The following FLRT2 variants were observed in gnomAD, a reference collection of about 807,000 sequenced individuals.
FLRT2 encodes the protein leucine-rich repeat transmembrane protein FLRT2.
Under a neutral mutation model 40.0 loss-of-function variants are expected in FLRT2, and 15 were observed. The ratio of observed to expected loss-of-function variants is 0.38; its 90% CI spans 0.25 to 0.58. FLRT2 has a LOEUF of 0.58. Among genes scored for constraint, FLRT2 ranks in the 20% least tolerant of loss-of-function variants. The probability of loss-of-function intolerance (pLI) is 0.71; values close to 1 mark genes in which losing one functional copy is unlikely to be tolerated. For missense variants in FLRT2, 726 were observed against 840.0 expected (o/e 0.86, Z 1.68); for synonymous variants, 380 against 336.8 (o/e 1.13, Z -1.41).
At chr14:85,603,126 A>T (rs1016852093) in intron 1 of FLRT2, among the ~76,000 whole-genome samples, 4 of 152,178 alleles carry the variant, frequency 2.6e-5, no homozygotes, top group Non-Finnish European at 5.9e-5. Context: ...CATCTGCCTT[A>T]AATTATTAAT....
intron 1 of FLRT2, among the ~76,000 whole-genome samples, chr14:85,534,731 G>C (rs538877507): frequency 2.6e-5 from 4 of 152,054 alleles, no homozygotes; most frequent in African/African-American, 9.6e-5. Flanking sequence ...GCATTGAGGC[G>C]GCGGCAGCGG....
intron 1 of FLRT2, among the ~76,000 whole-genome samples, chr14:85,552,325 A>C (rs928738192): frequency 6.6e-6 from 1 of 152,112 alleles, no homozygotes; most frequent in Non-Finnish European, 1.5e-5. Context: ...TATAATCCTC[A>C]CTTTTCTCAT....
At chr14:85,586,149 A>T (rs1182557606) in intron 1 of FLRT2, among the ~76,000 whole-genome samples, 1 of 148,704 alleles carries the variant, frequency 6.7e-6, no homozygotes, top group African/African-American at 2.4e-5. Flanking sequence ...ACACATATGT[A>T]TATATATTAC....
rs1263069686 is a variant in FLRT2 at position 85,653,484 on chromosome 14, C to G, written c.*29987C>G. The G allele has an allele frequency of 6.6e-6, 1 of 152,158 alleles. No homozygotes were observed. Among genetic ancestry groups the G allele is most frequent in the Non-Finnish European group, 1.5e-5 (1 of 68,036 alleles). The allele number at this position is 152,158 out of a possible 1,614,324, so 9.4% of individuals were successfully genotyped here. ...TCTAGCATCTCAATTTAACTGTATCCTTTGGAGATTTAAGGAAAACTGACA... is the reference window on the plus strand; with the variant it reads ...TCTAGCATCTCAATTTAACTGTATCGTTTGGAGATTTAAGGAAAACTGACA... On this transcript the variant is annotated 3_prime_UTR_variant, in exon 2 of 2. Coordinates refer to ENST00000330753, the MANE Select transcript of FLRT2 (RefSeq NM_013231.6).
At chr14:85,594,289 A>T (rs1892034416) in intron 1 of FLRT2, among the ~76,000 whole-genome samples, 2 of 152,142 alleles carry the variant, frequency 1.3e-5, no homozygotes, top group South Asian at 2.1e-4. Context: ...AGGAGGAAAA[A>T]ATTGTGTAGG....
chr14:85,545,245 A>T (rs1889214706), intron 1 of FLRT2, among the ~76,000 whole-genome samples: 1 of 152,180 alleles, frequency 6.6e-6, no homozygotes, highest in Non-Finnish European at 1.5e-5. Flanking sequence ...TATTGATCGT[A>T]AGGTTTATTT....
At chr14:85,606,408 C>G (rs1320584596) in intron 1 of FLRT2, among the ~76,000 whole-genome samples, 1 of 152,088 alleles carries the variant, frequency 6.6e-6, no homozygotes, top group African/African-American at 2.4e-5. Context: ...TTCTGCATCC[C>G]TAAAATGGCA....
Position 85,603,344 on chromosome 14 carries a change from A to AG in FLRT2, c.-376-17794dup, listed in dbSNP as rs1378213132. Among the ~76,000 whole-genome samples, 7 of 152,184 alleles carry AG rather than the reference A, an allele frequency of 4.6e-5. No homozygotes were observed. In the East Asian group the frequency reaches 1.2e-3, roughly 25 times the overall value. ...AGGTTCCGGGCATCGATTATGAAGGAGAAAAAAAAAGATGTGTCATGATGC... is the reference window on the plus strand; with the variant it reads ...AGGTTCCGGGCATCGATTATGAAGGAGGAAAAAAAAAGATGTGTCATGATGC... On this transcript the variant is annotated intron_variant, in intron 1 of 1. Transcript: ENST00000330753.
chr14:85,568,191 T>A (rs564361079), intron 1 of FLRT2, among the ~76,000 whole-genome samples: 139 of 151,132 alleles, frequency 9.2e-4, no homozygotes, highest in African/African-American at 3.2e-3. Flanking sequence ...ATTGCCTTTG[T>A]TCATGGGACC....
chr14:85,570,265 T>C (rs1430602462), intron 1 of FLRT2, among the ~76,000 whole-genome samples: 1 of 152,230 alleles, frequency 6.6e-6, no homozygotes. Context: ...TTAGATTCTA[T>C]GTGAGGATAT....
In FLRT2 at chr14:85,624,769, C is replaced by T. The variant is rs1893600995; in HGVS notation, c.*1272C>T. On this transcript the variant is annotated 3_prime_UTR_variant, in exon 2 of 2. Coordinates refer to ENST00000330753, the MANE Select transcript of FLRT2 (RefSeq NM_013231.6). ...ACAAGATATCCATTACGTACTTATACATTTTAAAATGAGTACTAATTTTCA... is the reference window on the plus strand; with the variant it reads ...ACAAGATATCCATTACGTACTTATATATTTTAAAATGAGTACTAATTTTCA... 1 of 166,958 alleles carries T rather than the reference C, an allele frequency of 6.0e-6. No individual in the cohort carries two copies. The highest frequency in any genetic ancestry group is 2.4e-5 in the African/African-American group (1 of 41,452). The allele number at this position is 166,958 out of a possible 1,614,324, so 10.3% of individuals were successfully genotyped here.
At chr14:85,536,349 A>G (rs913016447) in intron 1 of FLRT2, among the ~76,000 whole-genome samples, 1 of 152,168 alleles carries the variant, frequency 6.6e-6, no homozygotes, top group Non-Finnish European at 1.5e-5. Context: ...TTTGTACTTT[A>G]CAAGGAAGAA....
chr14:85,651,037 C>G lies in FLRT2; in HGVS notation c.*27540C>G, dbSNP rs192684915. ...TTGTTTTTCTTAATATAAGGCTATACATTTCCCTCTAAGAACTAATTTAGC... is the reference window on the plus strand; with the variant it reads ...TTGTTTTTCTTAATATAAGGCTATAGATTTCCCTCTAAGAACTAATTTAGC... On this transcript the variant is annotated 3_prime_UTR_variant, in exon 2 of 2. Transcript: ENST00000330753. 2 of 151,976 alleles carry G rather than the reference C, an allele frequency of 1.3e-5. No individual in the cohort carries two copies. 9.4% of individuals were successfully genotyped at this position (151,976 alleles called of 1,614,324 possible). A position where few individuals can be genotyped will look rare whatever the true frequency, so the allele number is the denominator to read the frequency against.
Position 85,639,574 on chromosome 14 carries a change from A to G in FLRT2, c.*16077A>G, listed in dbSNP as rs1315877102. 6.6e-6 allele frequency: 1 copy of G among 152,146 alleles called. No homozygotes were observed. The highest frequency in any genetic ancestry group is 1.5e-5 in the Non-Finnish European group (1 of 68,028). The allele number at this position is 152,146 out of a possible 1,614,324, so 9.4% of individuals were successfully genotyped here. On this transcript the variant is annotated 3_prime_UTR_variant, in exon 2 of 2. Transcript: ENST00000330753. ...TGGTAGCAATGATTGATTTATCTCAATCTTCTTGTATAGCTGCTGAATTTT... is the reference window on the plus strand; with the variant it reads ...TGGTAGCAATGATTGATTTATCTCAGTCTTCTTGTATAGCTGCTGAATTTT...
chr14:85,639,126 G>A lies in FLRT2; in HGVS notation c.*15629G>A, dbSNP rs2139395587. The A allele has an allele frequency of 6.6e-6, 1 of 152,240 alleles. No homozygotes were observed. Among genetic ancestry groups the A allele is most frequent in the Non-Finnish European group, 1.5e-5 (1 of 68,016 alleles). The allele number at this position is 152,240 out of a possible 1,614,324, so 9.4% of individuals were successfully genotyped here. A position where few individuals can be genotyped will look rare whatever the true frequency, so the allele number is the denominator to read the frequency against. ...GCAGGCAGTCTCTATTCTGTAACAAGGTTTTCTCATGATCCAGTTATTTTA... is the reference window on the plus strand; with the variant it reads ...GCAGGCAGTCTCTATTCTGTAACAAAGTTTTCTCATGATCCAGTTATTTTA... On this transcript the variant is annotated 3_prime_UTR_variant, in exon 2 of 2. Coordinates refer to ENST00000330753, the MANE Select transcript of FLRT2 (RefSeq NM_013231.6).
chr14:85,636,864 G>T lies in FLRT2; in HGVS notation c.*13367G>T, dbSNP rs1009939761. On this transcript the variant is annotated 3_prime_UTR_variant, in exon 2 of 2. Coordinates refer to ENST00000330753, the MANE Select transcript of FLRT2 (RefSeq NM_013231.6). Reference sequence around the variant, plus strand: ...GAATTGCTTGAACCTGGGAGGCGGAGGTTGCAGTGAGCTGAGATAGTGCCA... The same window carrying T: ...GAATTGCTTGAACCTGGGAGGCGGATGTTGCAGTGAGCTGAGATAGTGCCA... 6.9e-6 allele frequency: 1 copy of T among 145,898 alleles called. No homozygotes were observed. The highest frequency in any genetic ancestry group is 1.5e-5 in the Non-Finnish European group (1 of 66,800). The allele number at this position is 145,898 out of a possible 1,614,324, so 9.0% of individuals were successfully genotyped here.
intron 1 of FLRT2, among the ~76,000 whole-genome samples, chr14:85,571,898 C>T (rs1414600057): frequency 6.6e-6 from 1 of 152,078 alleles, no homozygotes; most frequent in Non-Finnish European, 1.5e-5. Flanking sequence ...TGGGATAGTG[C>T]CAGTTTACTA....
At chr14:85,561,915 T>G (rs1890349464) in intron 1 of FLRT2, among the ~76,000 whole-genome samples, 1 of 152,236 alleles carries the variant, frequency 6.6e-6, no homozygotes, top group African/African-American at 2.4e-5. Flanking sequence ...TGTTTGGTTT[T>G]AGTGCCCCTA....
intron 1 of FLRT2, among the ~76,000 whole-genome samples, chr14:85,617,126 C>T (rs1893174170): frequency 6.6e-6 from 1 of 151,842 alleles, no homozygotes; most frequent in Non-Finnish European, 1.5e-5. Context: ...ACACCACAGC[C>T]CCAAAGCACA....
Sources: allele counts gnomAD v4.1 joint callset (sites outside exome capture counted in the v4.1 genomes callset), GRCh38; gene constraint gnomAD v4.1.1; transcripts MANE v1.5; gene names NCBI Gene and HGNC (gene_info 2026-07-23, HGNC 2026-07-21).